Variants in EYS observed in about 807,000 individuals in gnomAD.
The protein encoded by EYS is protein eyes shut homolog.
Under a neutral mutation model 282.1 loss-of-function variants are expected in EYS, and 250 were observed. That is an observed-to-expected ratio of 0.89 (90% confidence interval 0.80 to 0.98). The LOEUF (loss-of-function observed/expected upper bound fraction) is 0.98, where lower values mean the gene tolerates loss of function less well. Ranked by LOEUF, EYS falls within the 50% of genes least tolerant of loss-of-function variation. The pLI, the probability that EYS is intolerant of heterozygous loss-of-function variation, is 0.00. For synonymous variants in EYS, 1,355 were observed against 1,282.9 expected, an observed-to-expected ratio of 1.06 and a Z score of -1.20; for missense variants, 4,016 against 3,709.0, an observed-to-expected ratio of 1.08 and a Z score of -2.15.
intron 33 of EYS, among the ~76,000 whole-genome samples, chr6:64,027,454 G>C (rs897384219): frequency 2.6e-5 from 4 of 152,084 alleles, no homozygotes; most frequent in African/African-American, 7.2e-5. Context: ...CCTGGGCCCT[G>C]AACAAAATCT....
At chr6:64,330,342 C>A (rs111384646) in intron 29 of EYS, among the ~76,000 whole-genome samples, 35 of 152,244 alleles carry the variant, frequency 2.3e-4, no homozygotes, top group African/African-American at 7.2e-4. Context: ...TTTTTAGGGG[C>A]AGCTGGTTTG....
chr6:64,631,271 C>G (rs541895756), intron 22 of EYS: 89 of 152,298 alleles, frequency 5.8e-4, no homozygotes, highest in African/African-American at 1.9e-3. Context: ...CTGCTATTAA[C>G]AGGTGACAGG....
intron 22 of EYS, among the ~76,000 whole-genome samples, chr6:64,809,151 C>A (rs537006079): frequency 6.6e-6 from 1 of 152,106 alleles, no homozygotes; most frequent in African/African-American, 2.4e-5. Context: ...TGAAAGTGGT[C>A]TTCGGCTATA....
chr6:63,887,596 C>T (rs1773296725), intron 35 of EYS, among the ~76,000 whole-genome samples: 1 of 152,184 alleles, frequency 6.6e-6, no homozygotes, highest in Admixed American at 6.5e-5. Context: ...CCCTGAGGGA[C>T]TGTGCCATAA....
intron 26 of EYS, among the ~76,000 whole-genome samples, chr6:64,440,146 C>T (rs1191820603): frequency 2.6e-5 from 4 of 151,654 alleles, no homozygotes; most frequent in Admixed American, 6.6e-5. Context: ...TTAAAACTTT[C>T]GAATTATGTA....
chr6:65,627,970 G>A (rs796272893), intron 2 of EYS, among the ~76,000 whole-genome samples: 12 of 152,356 alleles, frequency 7.9e-5, no homozygotes, highest in African/African-American at 2.6e-4. Flanking sequence ...CTGCAGCCCC[G>A]GTGCGGGATC....
At chr6:64,056,200 T>C (rs1770977865) in intron 33 of EYS, among the ~76,000 whole-genome samples, 1 of 152,212 alleles carries the variant, frequency 6.6e-6, no homozygotes, top group South Asian at 2.1e-4. Flanking sequence ...ACTTTGTGCA[T>C]GCAAATCTCC....
In EYS at chr6:63,961,193, G is replaced by A. The variant is rs190096225; in HGVS notation, c.7055+23190C>T. On this transcript the variant is annotated intron_variant, in intron 35 of 42. Coordinates refer to ENST00000503581, the MANE Select transcript of EYS (RefSeq NM_001142800.2). ...GGGCTTACTTCAAAGATGGTGGAAG[G>A]TGTCAGGCCTCTGGGTCCAAGCTAA... is the stretch of plus-strand genomic sequence containing the variant. 1.4e-3 allele frequency among the ~76,000 whole-genome samples: 215 copies of A among 152,306 alleles called. 1 individual carries two copies. Among genetic ancestry groups the A allele is most frequent in the Non-Finnish European group, 2.4e-3 (160 of 68,028 alleles).
intron 27 of EYS, among the ~76,000 whole-genome samples, chr6:64,436,729 G>A (rs1033011143): frequency 4.0e-5 from 6 of 151,822 alleles, no homozygotes; most frequent in Non-Finnish European, 8.8e-5. Context: ...ATGTCAGGGT[G>A]TCTGGGTTCA....
At chr6:64,833,830 A>G (rs1765296889) in intron 19 of EYS, among the ~76,000 whole-genome samples, 1 of 151,944 alleles carries the variant, frequency 6.6e-6, no homozygotes. Flanking sequence ...TGTTATTAGA[A>G]GATGACAAAT....
In EYS at chr6:64,945,860, A is replaced by G. The variant is rs1396995250; in HGVS notation, c.2314T>C (p.Ser772Pro). The G allele has an allele frequency of 6.5e-7, 1 of 1,549,314 alleles. No individual in the cohort carries two copies. Among genetic ancestry groups the G allele is most frequent in the South Asian group, 1.2e-5 (1 of 84,002 alleles). The change falls in exon 15 of 43, where the codon TCC (serine) becomes CCC (proline). Residue 772 changes from serine (S) to proline (P), a missense_variant. Ser to Pro is a moderately conservative substitution (Grantham distance 74, BLOSUM62 -1). Coordinates refer to ENST00000503581, the MANE Select transcript of EYS (RefSeq NM_001142800.2). ...DWEGNFCEQE[S>P]NECKMNPCKN... ...CAAGGATTCATTTTACACTCATTGG[A>G]TTCTTGTTCACAAAAATTTCCTTCC...
chr6:63,859,284 A>G (rs1303375377), intron 36 of EYS, among the ~76,000 whole-genome samples: 2 of 151,798 alleles, frequency 1.3e-5, no homozygotes, highest in African/African-American at 4.8e-5. Context: ...CATAAAACCT[A>G]TAAGGTAAGT....
chr6:64,887,697 A>G (rs750199186), intron 18 of EYS, among the ~76,000 whole-genome samples: 3 of 152,042 alleles, frequency 2.0e-5, no homozygotes, highest in African/African-American at 7.2e-5. Context: ...TTCAACCTAC[A>G]TTAATTAATT....
chr6:64,035,660 T>G (rs577108226), intron 33 of EYS, among the ~76,000 whole-genome samples: 2 of 152,334 alleles, frequency 1.3e-5, no homozygotes, highest in East Asian at 3.9e-4. Flanking sequence ...TTACTCAAAG[T>G]AATGACAGTA....
At chr6:65,418,549 G>A (rs186623191) in intron 5 of EYS, among the ~76,000 whole-genome samples, 445 of 152,134 alleles carry the variant, frequency 2.9e-3, no homozygotes, top group Middle Eastern at 0.01. Context: ...CCATAAAAAG[G>A]AATGAGATCA....
intron 26 of EYS, among the ~76,000 whole-genome samples, chr6:64,568,533 G>A (rs1424565465): frequency 6.6e-6 from 1 of 152,204 alleles, no homozygotes; most frequent in African/African-American, 2.4e-5. Context: ...GCACTTAAGG[G>A]AAGGGGCAGC....
At chr6:64,013,217 C>T (rs528438732) in intron 33 of EYS, among the ~76,000 whole-genome samples, 1 of 152,126 alleles carries the variant, frequency 6.6e-6, no homozygotes, top group Non-Finnish European at 1.5e-5. Flanking sequence ...CCAGCCATCA[C>T]GAGATACTGG....
At chr6:64,730,025 T>C (rs1771905417) in intron 22 of EYS, among the ~76,000 whole-genome samples, 1 of 152,208 alleles carries the variant, frequency 6.6e-6, no homozygotes, top group East Asian at 1.9e-4. Flanking sequence ...ATGTTATTGG[T>C]GAAAGGAAGG....
intron 29 of EYS, among the ~76,000 whole-genome samples, chr6:64,382,813 G>A (rs1310995764): frequency 6.6e-6 from 1 of 152,134 alleles, no homozygotes; most frequent in Non-Finnish European, 1.5e-5. Context: ...AGTTTTATAA[G>A]GGCAGGAATA....
Sources: gnomAD v4.1 joint callset for allele counts (sites outside exome capture counted in the v4.1 genomes callset) on GRCh38, gnomAD v4.1.1 for gene constraint, MANE v1.5 for transcripts, NCBI Gene and HGNC (gene_info 2026-07-23, HGNC 2026-07-21) for gene names.